The following KCND2 variants were observed in gnomAD, a reference collection of about 807,000 sequenced individuals.
KCND2 encodes A-type voltage-gated potassium channel KCND2.
Under a neutral mutation model 54.4 loss-of-function variants are expected in KCND2, and 16 were observed. The observed-to-expected ratio is 0.29, with a 90% CI of 0.20 to 0.45. The LOEUF (loss-of-function observed/expected upper bound fraction) is 0.45. Among genes scored for constraint, KCND2 ranks in the 20% least tolerant of loss-of-function variants. KCND2 has a pLI of 1.00. For synonymous variants in KCND2, 317 were observed against 310.7 expected, an observed-to-expected ratio of 1.02 and a Z score of -0.21; for missense variants, 486 against 824.2, an observed-to-expected ratio of 0.59 and a Z score of 5.02.
At chr7:120,289,032 A>G (rs1799390675) in intron 1 of KCND2, among the ~76,000 whole-genome samples, 1 of 32,708 alleles carries the variant, frequency 3.1e-5, no homozygotes, top group Non-Finnish European at 1.0e-4. Flanking sequence ...GAGGGCAGAG[A>G]CACAAACACA....
chr7:120,743,836 CT>C (rs1284966125), intron 4 of KCND2, among the ~76,000 whole-genome samples: 1 of 152,202 alleles, frequency 6.6e-6, no homozygotes, highest in East Asian at 1.9e-4. Context: ...CAATTTTGAT[CT>C]TTAGTTCATG....
chr7:120,487,664 A>T lies in KCND2; in HGVS notation c.1115+211917A>T, dbSNP rs535288263. 3.3e-5 allele frequency among the ~76,000 whole-genome samples: 5 copies of T among 152,256 alleles called. No homozygotes were observed. In the South Asian group the frequency reaches 1.0e-3, roughly 32 times the overall value. ...GCAGTGACCATGTGTGGTCTCCCCA[A>T]TCCCTCTCCTTCCAGAGCAGATAAT... On this transcript the variant is annotated intron_variant, in intron 1 of 5. Transcript: ENST00000331113.
chr7:120,408,882 G>T (rs910161415), intron 1 of KCND2, among the ~76,000 whole-genome samples: 59 of 151,990 alleles, frequency 3.9e-4, no homozygotes, highest in African/African-American at 1.3e-3. Context: ...TATGCAATAT[G>T]TGGAGTATTT....
intron 1 of KCND2, among the ~76,000 whole-genome samples, chr7:120,463,692 G>C (rs1802320459): frequency 6.6e-6 from 1 of 152,076 alleles, no homozygotes; most frequent in Non-Finnish European, 1.5e-5. Flanking sequence ...AGGCATCTTT[G>C]ATCGCCACAT....
At chr7:120,681,400 C>T (rs898784372) in intron 1 of KCND2, among the ~76,000 whole-genome samples, 3 of 152,042 alleles carry the variant, frequency 2.0e-5, no homozygotes, top group East Asian at 1.9e-4. Context: ...GGGAAGGTGA[C>T]GGGAAGCAGC....
chr7:120,554,927 C>A (rs1792145630), intron 1 of KCND2, among the ~76,000 whole-genome samples: 1 of 152,160 alleles, frequency 6.6e-6, no homozygotes, highest in Non-Finnish European at 1.5e-5. Flanking sequence ...TTTCTTCACT[C>A]CCATACTCAA....
chr7:120,714,188 CTAAAG>C (rs1034825832), intron 1 of KCND2, among the ~76,000 whole-genome samples: 2 of 152,004 alleles, frequency 1.3e-5, no homozygotes, highest in Non-Finnish European at 2.9e-5. Context: ...TATTTTCTTC[CTAAAG>C]TAAACATCTT....
At chr7:120,625,563 C>T (rs1424941820) in intron 1 of KCND2, among the ~76,000 whole-genome samples, 3 of 152,014 alleles carry the variant, frequency 2.0e-5, no homozygotes, top group African/African-American at 7.2e-5. Flanking sequence ...ACAGAAAAGT[C>T]CTAAGGTCCA....
intron 1 of KCND2, among the ~76,000 whole-genome samples, chr7:120,403,068 C>A (rs56679785): frequency 1.6e-4 from 24 of 152,290 alleles, no homozygotes; most frequent in Admixed American, 5.2e-4. Flanking sequence ...TTCTCTCCTG[C>A]ATTGTCCATA....
rs369851495 is a variant in KCND2, at chr7:120,290,754, T to C, written c.1115+15007T>C. On this transcript the variant is annotated intron_variant, in intron 1 of 5. Transcript: ENST00000331113. The stretch of plus-strand genomic sequence containing the variant: ...GGAAATATATATATATGCTTTTTTT[T>C]CTTGCATGCCAACTTTATTAAAATT... 7.2e-5 allele frequency among the ~76,000 whole-genome samples: 11 copies of C among 152,114 alleles called. No homozygotes were observed. The East Asian group carries it at 2.1e-3, about 29-fold the overall frequency.
intron 1 of KCND2, among the ~76,000 whole-genome samples, chr7:120,405,561 A>G (rs747463538): frequency 4.6e-5 from 7 of 152,158 alleles, no homozygotes; most frequent in Non-Finnish European, 1.0e-4. Flanking sequence ...ATTTCCATGT[A>G]TATTTCCATA....
intron 1 of KCND2, among the ~76,000 whole-genome samples, chr7:120,532,388 T>C (rs1791853844): frequency 6.6e-6 from 1 of 151,868 alleles, no homozygotes; most frequent in South Asian, 2.1e-4. Flanking sequence ...CAGTTAAGCC[T>C]ATAGTTATAA....
chr7:120,648,843 T>C (rs997957408), intron 1 of KCND2, among the ~76,000 whole-genome samples: 1 of 152,202 alleles, frequency 6.6e-6, no homozygotes, highest in Non-Finnish European at 1.5e-5. Flanking sequence ...CTACTTCTTA[T>C]AACCTAACTA....
chr7:120,712,130 C>CTT (rs11296028), intron 1 of KCND2, among the ~76,000 whole-genome samples: 2,473 of 120,280 alleles, frequency 0.021, 113 homozygotes, highest in African/African-American at 0.064. Context: ...AATAAGAAAG[C>CTT]TTTTTTTTTT....
At chr7:120,281,356 G>A (rs1447471062) in intron 1 of KCND2, among the ~76,000 whole-genome samples, 1 of 149,738 alleles carries the variant, frequency 6.7e-6, no homozygotes, top group Non-Finnish European at 1.5e-5. Flanking sequence ...ATGTACATAT[G>A]TATGTATAAG....
chr7:120,310,901 A>C (rs1443110309), intron 1 of KCND2, among the ~76,000 whole-genome samples: 1 of 149,146 alleles, frequency 6.7e-6, no homozygotes, highest in Non-Finnish European at 1.5e-5. Context: ...GCCCCACTGC[A>C]CTCCAGCCTG....
chr7:120,624,315 A>C (rs1168300684), intron 1 of KCND2, among the ~76,000 whole-genome samples: 1 of 152,196 alleles, frequency 6.6e-6, no homozygotes, highest in African/African-American at 2.4e-5. Context: ...TTTCTACTAA[A>C]AGTACACATT....
chr7:120,331,515 G>C (rs1800069146), intron 1 of KCND2, among the ~76,000 whole-genome samples: 1 of 151,978 alleles, frequency 6.6e-6, no homozygotes, highest in Non-Finnish European at 1.5e-5. Flanking sequence ...AAGAGTGAGA[G>C]AGAGAGAAAA....
intron 1 of KCND2, among the ~76,000 whole-genome samples, chr7:120,524,997 G>A (rs1022668058): frequency 6.6e-6 from 1 of 152,042 alleles, no homozygotes; most frequent in Non-Finnish European, 1.5e-5. Context: ...TCCCAATTCA[G>A]ACTTTGCATC....
Sources: gnomAD v4.1 joint callset for allele counts (sites outside exome capture counted in the v4.1 genomes callset) on GRCh38, gnomAD v4.1.1 for gene constraint, MANE v1.5 for transcripts, NCBI Gene and HGNC (gene_info 2026-07-23, HGNC 2026-07-21) for gene names.